Variants in EFL1 observed in about 807,000 individuals in gnomAD.
EFL1 encodes the protein elongation factor like GTPase 1.
In EFL1, 76 loss-of-function variants were observed where a neutral mutation model predicts 126.7. The observed-to-expected ratio is 0.60, with a 90% confidence interval of 0.50 to 0.73. The LOEUF (loss-of-function observed/expected upper bound fraction) is 0.73. EFL1 is among the 30% of genes least tolerant of loss of function. The pLI, the probability that EFL1 is intolerant of heterozygous loss-of-function variation, is 0.00. For missense variants in EFL1, 1,128 were observed against 1,343.2 expected (o/e 0.84, Z 2.50); for synonymous variants, 410 against 448.4 (o/e 0.91, Z 1.08).
intron 2 of EFL1, among the ~76,000 whole-genome samples, chr15:82,261,328 G>A (rs1363404462): frequency 1.3e-5 from 2 of 152,136 alleles, no homozygotes; most frequent in East Asian, 3.9e-4. Flanking sequence ...GAACTTAACA[G>A]ACGTTTGATA....
intron 2 of EFL1, among the ~76,000 whole-genome samples, chr15:82,260,770 C>T (rs1296599353): frequency 6.6e-6 from 1 of 152,222 alleles, no homozygotes; most frequent in African/African-American, 2.4e-5. Context: ...CAACTCTTAT[C>T]CCAGTTCCTA....
chr15:82,191,710 T>G (rs1447600343), intron 15 of EFL1, among the ~76,000 whole-genome samples: 1 of 151,972 alleles, frequency 6.6e-6, no homozygotes, highest in East Asian at 1.9e-4. Context: ...CAAACTGAGG[T>G]TTTGGTCAAG....
At chr15:82,163,804 G>C in intron 16 of EFL1, 49 bp downstream of exon 16, 1 of 1,594,470 alleles carries the variant, frequency 6.3e-7, no homozygotes. Flanking sequence ...ACATGCATAT[G>C]CTTTAAAAGT....
intron 19 of EFL1, among the ~76,000 whole-genome samples, chr15:82,137,332 G>C (rs2073732450): frequency 2.0e-5 from 3 of 152,194 alleles, no homozygotes; most frequent in Admixed American, 2.0e-4. Context: ...GCTTAGCATT[G>C]AAGCTAAATC....
At chr15:82,169,561 C>A (rs767397755) in intron 15 of EFL1, among the ~76,000 whole-genome samples, 4 of 152,010 alleles carry the variant, frequency 2.6e-5, no homozygotes, top group Non-Finnish European at 4.4e-5. Flanking sequence ...GTTGTCTATT[C>A]TTCTTTTAGG....
At chr15:82,212,996 T>C (rs1273880566) in intron 15 of EFL1, among the ~76,000 whole-genome samples, 1 of 152,194 alleles carries the variant, frequency 6.6e-6, no homozygotes, top group Non-Finnish European at 1.5e-5. Context: ...AAAAGCCACA[T>C]GCTGAGCCAC....
chr15:82,150,195 C>T (rs935480431), intron 18 of EFL1, among the ~76,000 whole-genome samples: 5 of 152,154 alleles, frequency 3.3e-5, no homozygotes, highest in East Asian at 3.9e-4. Context: ...CTGCTAATGA[C>T]GCTCAGTCTC....
At chr15:82,205,769 T>A (rs1392924713) in intron 15 of EFL1, among the ~76,000 whole-genome samples, 1 of 152,220 alleles carries the variant, frequency 6.6e-6, no homozygotes, top group Non-Finnish European at 1.5e-5. Flanking sequence ...CATCAAATAA[T>A]CCTTTGTTCT....
At chr15:82,145,164 G>A (rs867517461) in intron 18 of EFL1, among the ~76,000 whole-genome samples, 8 of 151,810 alleles carry the variant, frequency 5.3e-5, no homozygotes, top group Admixed American at 6.6e-5. Flanking sequence ...TTAGCCGGGC[G>A]TGGTGGCACA....
chr15:82,138,241 C>T (rs1471475323), intron 19 of EFL1, among the ~76,000 whole-genome samples: 1 of 152,014 alleles, frequency 6.6e-6, no homozygotes, highest in African/African-American at 2.4e-5. Flanking sequence ...TAACTGTTCC[C>T]CTCTAATTAC....
At chr15:82,257,112 A>AT (rs1400638870) in intron 3 of EFL1, among the ~76,000 whole-genome samples, 3 of 152,166 alleles carry the variant, frequency 2.0e-5, no homozygotes, top group Non-Finnish European at 2.9e-5. Context: ...TTATGGAAAG[A>AT]TTTTTGCCAG....
At chr15:82,259,202 G>A (rs748384609) in intron 2 of EFL1, 47 bp from the exon 3 acceptor site, 52 of 1,522,970 alleles carry the variant, frequency 3.4e-5, no homozygotes, top group African/African-American at 5.5e-5. Flanking sequence ...TTTTTAAAAG[G>A]GGTCATGGAT....
chr15:82,257,352 G>C (rs1596014374), intron 3 of EFL1, among the ~76,000 whole-genome samples: 1 of 151,968 alleles, frequency 6.6e-6, no homozygotes, highest in Non-Finnish European at 1.5e-5. Context: ...TCATCTTGCT[G>C]GTGTTTTGTC....
At chr15:82,137,571 C>T (rs1024173805) in intron 19 of EFL1, among the ~76,000 whole-genome samples, 12 of 152,120 alleles carry the variant, frequency 7.9e-5, no homozygotes, top group African/African-American at 2.7e-4. Context: ...AGGGAGGGTC[C>T]ATGATTTGTC....
chr15:82,226,164 T>C (rs986745910), intron 11 of EFL1, among the ~76,000 whole-genome samples: 2 of 152,028 alleles, frequency 1.3e-5, no homozygotes, highest in African/African-American at 4.8e-5. Context: ...TTGTTGTTGT[T>C]GTTGTTTGTT....
intron 11 of EFL1, among the ~76,000 whole-genome samples, chr15:82,226,505 G>A (rs570112311): frequency 1.8e-4 from 28 of 152,254 alleles, no homozygotes; most frequent in African/African-American, 6.7e-4. Flanking sequence ...CAAGGTTTTT[G>A]GACTGAGTAA....
At chr15:82,240,668 A>C in intron 5 of EFL1, 113 bp from the exon 6 acceptor site, 1 of 1,243,150 alleles carries the variant, frequency 8.0e-7, no homozygotes, top group Non-Finnish European at 1.1e-6. Flanking sequence ...AAAGGTATTC[A>C]TTAGGCATTC....
intron 15 of EFL1, among the ~76,000 whole-genome samples, chr15:82,207,720 G>GA (rs1491302983): frequency 2.0e-5 from 2 of 101,232 alleles, no homozygotes; most frequent in African/African-American, 5.4e-5. Context: ...TTGATTGATT[G>GA]ATTTTTTTTT....
intron 17 of EFL1, among the ~76,000 whole-genome samples, chr15:82,154,599 T>C (rs1034729300): frequency 2.0e-5 from 3 of 152,332 alleles, no homozygotes; most frequent in Middle Eastern, 3.4e-3. Context: ...GTAAACTACA[T>C]GGTATAGTCA....
Sources: allele counts gnomAD v4.1 joint callset (sites outside exome capture counted in the v4.1 genomes callset), GRCh38; gene constraint gnomAD v4.1.1; transcripts MANE v1.5; gene names NCBI Gene and HGNC (gene_info 2026-07-23, HGNC 2026-07-21).